The following SCN2A variants were observed in gnomAD, a reference collection of about 807,000 sequenced individuals.
SCN2A encodes the protein sodium voltage-gated channel alpha subunit 2.
Under a neutral mutation model 188.7 loss-of-function variants are expected in SCN2A, and 20 were observed. The observed-to-expected ratio is 0.11, with a 90% CI of 0.07 to 0.15. SCN2A has a LOEUF of 0.15. Ranked by LOEUF, SCN2A falls within the 10% of genes least tolerant of loss-of-function variation. The pLI is 1.00. For synonymous variants in SCN2A, 804 were observed against 833.1 expected, an observed-to-expected ratio of 0.97 and a Z score of 0.60; for missense variants, 1,278 against 2,445.0, an observed-to-expected ratio of 0.52 and a Z score of 10.07.
chr2:165,365,379 A>G (rs1700671109), intron 18 of SCN2A, 116 bp downstream of exon 18: 1 of 973,498 alleles, frequency 1.0e-6, no homozygotes, highest in Non-Finnish European at 1.6e-6. Flanking sequence ...ATCTGTATCT[A>G]TCTATCTATC....
chr2:165,280,586 G>A (rs921136263), intron 1 of SCN2A, among the ~76,000 whole-genome samples: 6 of 152,148 alleles, frequency 3.9e-5, no homozygotes, highest in African/African-American at 1.2e-4. Context: ...TATCCTTAGC[G>A]AAGACTGACT....
At chr2:165,295,505 T>G (rs536625643) in intron 1 of SCN2A, among the ~76,000 whole-genome samples, 187 of 152,332 alleles carry the variant, frequency 1.2e-3, no homozygotes, top group African/African-American at 4.3e-3. Context: ...AATTGCATAT[T>G]TTCCCACAAG....
At chr2:165,299,077 G>A (rs900513650) in intron 3 of SCN2A, among the ~76,000 whole-genome samples, 2 of 151,794 alleles carry the variant, frequency 1.3e-5, no homozygotes, top group Non-Finnish European at 2.9e-5. Context: ...ATAGACCATG[G>A]AAAATCTCAT....
At chr2:165,387,466 A>T (rs10177487) in intron 26 of SCN2A, among the ~76,000 whole-genome samples, 6,044 of 152,252 alleles carry the variant, frequency 0.04, 392 homozygotes, top group African/African-American at 0.14. Context: ...TATATATAAT[A>T]ACACATATAT....
intron 3 of SCN2A, among the ~76,000 whole-genome samples, chr2:165,300,525 G>C (rs550637163): frequency 6.4e-4 from 97 of 152,252 alleles, no homozygotes; most frequent in African/African-American, 2.2e-3. Flanking sequence ...TTCTGAAAAG[G>C]TACCAGTTGA....
chr2:165,286,075 G>T lies in SCN2A; in HGVS notation c.-51-9698G>T, dbSNP rs140199516. 5 of 159,014 alleles carry T rather than the reference G, an allele frequency of 3.1e-5. No homozygotes were observed. The East Asian group carries it at 8.9e-4, about 28-fold the overall frequency. 9.9% of individuals were successfully genotyped at this position (159,014 alleles called of 1,614,324 possible). On this transcript the variant is annotated intron_variant, in intron 1 of 26. Transcript: ENST00000375437. ...AACCCGAACCAGGAGAGCCTTATCC[G>T]AATTCTGCACTCCAAATCTTGTGCT...
At chr2:165,350,460 C>CTTTTTTTTTTTTTTTTTTTTTTTTTT (rs796595702) in intron 16 of SCN2A, among the ~76,000 whole-genome samples, 2 of 77,918 alleles carry the variant, frequency 2.6e-5, no homozygotes, top group East Asian at 4.5e-4. Context: ...GAACTGTTTT[C>CTTTTTTTTTTTTTTTTTTTTTTTTTT]TTTCTTTTTT....
chr2:165,340,636 A>G (rs1376474366), intron 14 of SCN2A, among the ~76,000 whole-genome samples: 1 of 152,232 alleles, frequency 6.6e-6, no homozygotes, highest in Admixed American at 6.5e-5. Context: ...GAACTATTAT[A>G]AAAATGTAAC....
intron 12 of SCN2A, among the ~76,000 whole-genome samples, chr2:165,326,430 G>A (rs1698363477): frequency 6.6e-6 from 1 of 152,184 alleles, no homozygotes; most frequent in African/African-American, 2.4e-5. Flanking sequence ...GCATATGAAG[G>A]AGACTTTCAA....
intron 19 of SCN2A, among the ~76,000 whole-genome samples, chr2:165,368,154 T>C (rs1245281466): frequency 6.6e-6 from 1 of 152,104 alleles, no homozygotes; most frequent in Non-Finnish European, 1.5e-5. Context: ...TGAAAGGAGA[T>C]GGAGCAGGAA....
chr2:165,339,371 T>G (rs556570897), intron 14 of SCN2A, among the ~76,000 whole-genome samples: 43 of 152,234 alleles, frequency 2.8e-4, no homozygotes, highest in Middle Eastern at 3.4e-3. Flanking sequence ...TTTTACCATT[T>G]TTATTTGACC....
rs182964026 is a variant in SCN2A, at chr2:165,331,672, A to G, written c.2388+104A>G. On this transcript the variant is annotated intron_variant, in intron 14 of 26. Transcript: ENST00000375437. ...TTAAATATCAACTAATTGGCCATGT[A>G]TATCTTGACATCAAATGTTTAGCAT... 2.4e-5 allele frequency: 21 copies of G among 889,998 alleles called. No homozygotes were observed. In the Admixed American group the frequency reaches 3.8e-4, roughly 16 times the overall value. 55.1% of individuals were successfully genotyped at this position (889,998 alleles called of 1,614,324 possible).
intron 16 of SCN2A, among the ~76,000 whole-genome samples, chr2:165,350,089 A>G (rs1699805841): frequency 6.6e-6 from 1 of 152,172 alleles, no homozygotes; most frequent in African/African-American, 2.4e-5. Flanking sequence ...TAGTTTCCAG[A>G]CACGATGGCA....
At chr2:165,293,568 T>C (rs981328688) in intron 1 of SCN2A, among the ~76,000 whole-genome samples, 1 of 152,118 alleles carries the variant, frequency 6.6e-6, no homozygotes, top group African/African-American at 2.4e-5. Context: ...GTAAAAAATA[T>C]GGTATTATAA....
chr2:165,282,060 G>A (rs1364631314), intron 1 of SCN2A, among the ~76,000 whole-genome samples: 1 of 152,132 alleles, frequency 6.6e-6, no homozygotes, highest in East Asian at 1.9e-4. Context: ...AGAATGCTGG[G>A]CTGCTGGTGG....
rs200603552 is a variant in SCN2A at position 165,389,203 on chromosome 2, T to C, written c.5397T>C (p.Tyr1799=). ...GTGAGGATGACTTTGAGATGTTCTA[T>C]GAGGTTTGGGAGAAGTTTGATCCCG... is the stretch of plus-strand genomic sequence containing the variant. The part of the protein sequence containing the change: ...PLSEDDFEMF[Y]EVWEKFDPDA... The change falls in exon 27 of 27, where the codon TAT becomes TAC. Residue 1799 remains tyrosine (Y), a synonymous_variant. Transcript: ENST00000375437. The surrounding 1 kb of genome is among the most constrained non-coding windows in gnomAD (Gnocchi z 4.2). The C allele has an allele frequency of 3.2e-4, 516 of 1,613,974 alleles. No individual in the cohort carries two copies. Among genetic ancestry groups the C allele is most frequent in the Non-Finnish European group, 4.2e-4 (493 of 1,180,002 alleles).
chr2:165,337,415 G>C (rs557681407), intron 14 of SCN2A, among the ~76,000 whole-genome samples: 5 of 152,052 alleles, frequency 3.3e-5, no homozygotes, highest in Admixed American at 2.0e-4. Flanking sequence ...AAGAAACAAT[G>C]GCCAAAAATT....
Position 165,314,101 on chromosome 2 carries a change from A to C in SCN2A, c.1376A>C (p.Glu459Ala), listed in dbSNP as rs184769423. ...MLEQLKKQQE[E>A]AQAAAAAASA... is the part of the protein sequence containing the mutation. ...GAACAGTTGAAAAAGCAACAAGAAG[A>C]AGCTCAGGTATAGTGAACAAGCATA... The change falls in exon 10 of 27, where the codon GAA (glutamate) becomes GCA (alanine). Residue 459 changes from glutamate to alanine, a missense_variant. This residue lies in a region of SCN2A where 315 missense variants were observed against 386.6 expected (regional missense o/e 0.81). Coordinates refer to ENST00000375437, the MANE Select transcript of SCN2A (RefSeq NM_001040142.2). The C allele has an allele frequency of 9.7e-5, 157 of 1,613,302 alleles. 1 individual carries two copies. The African/African-American group carries it at 9.7e-4, about 10-fold the overall frequency.
chr2:165,244,890 G>C (rs1281994336), intron 1 of SCN2A, among the ~76,000 whole-genome samples: 1 of 152,082 alleles, frequency 6.6e-6, no homozygotes, highest in African/African-American at 2.4e-5. Context: ...ATCTTGTGTT[G>C]TGTGATATGT....
Sources: allele counts gnomAD v4.1 joint callset (sites outside exome capture counted in the v4.1 genomes callset), GRCh38; gene constraint gnomAD v4.1.1; regional missense constraint gnomAD v4.1.1; non-coding constraint Gnocchi (gnomAD v3.1); transcripts MANE v1.5; gene names NCBI Gene and HGNC (gene_info 2026-07-23, HGNC 2026-07-21).